The following ELP1 variants were observed in gnomAD, a reference collection of about 807,000 sequenced individuals.
ELP1 encodes elongator complex protein 1.
ELP1 carries 131 observed loss-of-function variants against 183.2 expected under a neutral mutation model. That is an observed-to-expected ratio of 0.72 (90% CI 0.62 to 0.83). The LOEUF is 0.83. Ranked by LOEUF, ELP1 falls within the 40% of genes least tolerant of loss-of-function variation. The probability of loss-of-function intolerance (pLI) is 0.00; values close to 1 mark genes in which losing one functional copy is unlikely to be tolerated. For synonymous variants in ELP1, 555 were observed against 569.0 expected (o/e 0.98, Z 0.35); for missense variants, 1,550 against 1,594.9 (o/e 0.97, Z 0.48).
At position 108,911,110 on chromosome 9, in the gene ELP1, G is replaced by A. The variant is rs752386597; in HGVS notation, c.1260C>T (p.Phe420=). The change falls in exon 12 of 37, where the codon TTC becomes TTT. Residue 420 remains phenylalanine, a synonymous_variant. Coordinates refer to ENST00000374647, the MANE Select transcript of ELP1 (RefSeq NM_003640.5). ...PPPMCTYQLL[F]PHPVNQVTFL... Reference sequence around the variant, plus strand: ...ATGTGACTTGATTCACAGGGTGTGGGAACAGCAGTTGGTAGGTGCACATGG... The same window carrying A: ...ATGTGACTTGATTCACAGGGTGTGGAAACAGCAGTTGGTAGGTGCACATGG... 6.2e-7 allele frequency: 1 copy of A among 1,614,104 alleles called. No homozygotes were observed. Among genetic ancestry groups the A allele is most frequent in the Non-Finnish European group, 8.5e-7 (1 of 1,179,974 alleles).
At chr9:108,930,289 G>A (rs1485928495) in intron 2 of ELP1, among the ~76,000 whole-genome samples, 2 of 152,064 alleles carry the variant, frequency 1.3e-5, no homozygotes, top group Admixed American at 6.5e-5. Context: ...CATAATCAAG[G>A]GACCATATCA....
chr9:108,920,286 T>C (rs1044709396), intron 6 of ELP1, among the ~76,000 whole-genome samples: 2 of 151,134 alleles, frequency 1.3e-5, no homozygotes, highest in African/African-American at 4.9e-5. Context: ...CCCAATTTTT[T>C]TTTTTTTTTT....
chr9:108,889,305 G>T lies in ELP1; in HGVS notation c.3222+27C>A, dbSNP rs748363432. ...AGAAGACCTTTCTTGCTGACTGGGG[G>T]GTTTAGAAGGGAGGAATTGAGTTTA... On this transcript the variant is annotated intron_variant, in intron 29 of 36. Transcript: ENST00000374647. The T allele has an allele frequency of 2.8e-5, 45 of 1,601,358 alleles. No individual in the cohort carries two copies. In the Middle Eastern group the frequency reaches 4.9e-4, roughly 18 times the overall value.
At position 108,867,872 on chromosome 9, in the gene ELP1, T is replaced by G. The variant is rs944908633; in HGVS notation, c.*1243A>C. 6.6e-6 allele frequency: 1 copy of G among 152,252 alleles called. No homozygotes were observed. Among genetic ancestry groups the G allele is most frequent in the Non-Finnish European group, 1.5e-5 (1 of 68,044 alleles). 9.4% of individuals were successfully genotyped at this position (152,252 alleles called of 1,614,324 possible). A position where few individuals can be genotyped will look rare whatever the true frequency, so the allele number is the denominator to read the frequency against. On this transcript the variant is annotated 3_prime_UTR_variant, in exon 37 of 37. Coordinates refer to ENST00000374647, the MANE Select transcript of ELP1 (RefSeq NM_003640.5). ...CTATACTGGGAAAGGCTTCTTAAAT[T>G]ACAATTTTGGCTATATCACTTCTTT...
rs530976940 is a variant in ELP1, at chr9:108,927,320, C to T, written c.385+52G>A. ...CCTAAAGCTGATGAAGCCTGTAAGA[C>T]ATCTGGAATAATGTTTTAAAAAAGC... On this transcript the variant is annotated intron_variant, in intron 4 of 36. Coordinates refer to ENST00000374647, the MANE Select transcript of ELP1 (RefSeq NM_003640.5). The T allele has an allele frequency of 2.8e-6, 4 of 1,421,038 alleles. No homozygotes were observed. In the African/African-American group the frequency reaches 4.2e-5, roughly 15 times the overall value. 88.0% of individuals were successfully genotyped at this position (1,421,038 alleles called of 1,614,324 possible).
At chr9:108,912,546 T>C (rs527749045) in intron 10 of ELP1, 52 bp from the exon 11 acceptor site, 15 of 1,340,404 alleles carry the variant, frequency 1.1e-5, no homozygotes, top group Admixed American at 1.0e-4. Flanking sequence ...GCAGACTTCA[T>C]CCCACTTGCC....
At chr9:108,887,207 T>C (rs1028841366) in intron 29 of ELP1, among the ~76,000 whole-genome samples, 14 of 152,018 alleles carry the variant, frequency 9.2e-5, no homozygotes, top group African/African-American at 3.4e-4. Context: ...AGACTCTGTC[T>C]CAAAAATAAA....
chr9:108,876,546 T>G (rs1242145006), intron 35 of ELP1, among the ~76,000 whole-genome samples: 1 of 152,120 alleles, frequency 6.6e-6, no homozygotes, highest in Admixed American at 6.5e-5. Context: ...CTGAGCTGAT[T>G]TGTAATCTCT....
Position 108,908,233 on chromosome 9 carries a change from T to C in ELP1, c.1460+72A>G, listed in dbSNP as rs2304779. ...CTCAGCAACAGGCATAGAACTGTTA[T>C]CAGATGGCTGAATTTAGGACTGCAT... On this transcript the variant is annotated intron_variant, in intron 13 of 36. Transcript: ENST00000374647. 294,350 of 1,102,228 alleles carry C rather than the reference T, an allele frequency of 0.27. 41,555 individuals carry two copies. The highest frequency in any genetic ancestry group is 0.3 in the Admixed American group (17,058 of 57,764). The allele number at this position is 1,102,228 out of a possible 1,614,324, so 68.3% of individuals were successfully genotyped here.
At position 108,928,312 on chromosome 9, in the gene ELP1, T is replaced by C. The variant is rs760510698; in HGVS notation, c.304-859A>G. On this transcript the variant is annotated intron_variant, in intron 3 of 36. Transcript: ENST00000374647. ...ATATCTTTTTCTTCCCAGAGCTGTCTCACGAGGGAGATAAAAGAAGACCCT... is the reference window on the plus strand; with the variant it reads ...ATATCTTTTTCTTCCCAGAGCTGTCCCACGAGGGAGATAAAAGAAGACCCT... 7.6e-4 allele frequency among the ~76,000 whole-genome samples: 116 copies of C among 152,340 alleles called. 2 individuals are homozygous for C. Among genetic ancestry groups the C allele is most frequent in the East Asian group, 3.9e-4 (2 of 5,192 alleles).
intron 36 of ELP1, among the ~76,000 whole-genome samples, chr9:108,873,165 T>C (rs1364054098): frequency 6.6e-6 from 1 of 152,232 alleles, no homozygotes; most frequent in Non-Finnish European, 1.5e-5. Context: ...AACCCAGCTG[T>C]GATTCAAGTA....
chr9:108,876,564 A>C lies in ELP1; in HGVS notation c.3855+1431T>G, dbSNP rs554982633. Among the ~76,000 whole-genome samples, 3 of 152,248 alleles carry C rather than the reference A, an allele frequency of 2.0e-5. 1 individual carries two copies. Among genetic ancestry groups the C allele is most frequent in the African/African-American group, 7.2e-5 (3 of 41,554 alleles). ...AGCTGATTTGTAATCTCTCAGCTCC[A>C]ACCCACCCTTCTATCCACTGCTTGT... On this transcript the variant is annotated intron_variant, in intron 35 of 36. Transcript: ENST00000374647.
At position 108,869,250 on chromosome 9, in the gene ELP1, TCTAAA is replaced by T. The variant is rs1447187480; in HGVS notation, c.3932-73_3932-69del. 9.1e-5 allele frequency: 122 copies of T among 1,342,454 alleles called. 3 individuals carry two copies. In the African/African-American group the frequency reaches 1.5e-3, roughly 17 times the overall value. The allele number at this position is 1,342,454 out of a possible 1,614,324, so 83.2% of individuals were successfully genotyped here. On this transcript the variant is annotated intron_variant, in intron 36 of 36. Transcript: ENST00000374647. ...TGTTGGAGGGCGCTGAGGCAGTAAC[TCTAAA>T]CTAAACAAACTAGGCAGGTGGAGTT...
intron 1 of ELP1, among the ~76,000 whole-genome samples, chr9:108,932,516 A>G (rs1830032550): frequency 6.6e-6 from 1 of 151,810 alleles, no homozygotes. Flanking sequence ...TAATTTTTGT[A>G]TTTTTAGTAG....
chr9:108,927,396 G>T lies in ELP1; in HGVS notation c.361C>A (p.Gln121Lys). Residue 121 changes from glutamine (Q) to lysine (K), a missense_variant, in exon 4 of 37, where the codon CAA becomes AAA. By Grantham distance (53) the Gln-to-Lys change is moderately conservative. Transcript: ENST00000374647. ...GISVMSWSPD[Q>K]ELVLLATGQQ... is the part of the protein sequence containing the mutation. ...CCTGTGGCAAGAAGCACCAGCTCTT[G>T]GTCAGGACTCCAACTCATAACAGAG... 6.2e-7 allele frequency: 1 copy of T among 1,613,664 alleles called. No homozygotes were observed.
intron 22 of ELP1, among the ~76,000 whole-genome samples, chr9:108,897,572 C>T (rs1003047672): frequency 5.9e-5 from 9 of 151,932 alleles, no homozygotes; most frequent in Non-Finnish European, 1.3e-4. Context: ...ATACTACTGA[C>T]CAATAAAAAA....
intron 34 of ELP1, 49 bp downstream of exon 34, chr9:108,878,574 A>G (rs772054776): frequency 3.1e-6 from 5 of 1,612,452 alleles, no homozygotes; most frequent in Admixed American, 3.3e-5. Flanking sequence ...TGTACTGCCT[A>G]TTCACTATTG....
At chr9:108,898,368 C>T in intron 22 of ELP1, 134 bp downstream of exon 22, 1 of 646,012 alleles carries the variant, frequency 1.5e-6, no homozygotes, top group Non-Finnish European at 2.7e-6. Context: ...AACCAACTGG[C>T]ATCTAAGAGT....
At chr9:108,927,640 T>C (rs577179290) in intron 3 of ELP1, among the ~76,000 whole-genome samples, 187 bp from the exon 4 acceptor site, 1 of 152,288 alleles carries the variant, frequency 6.6e-6, no homozygotes, top group Non-Finnish European at 1.5e-5. Flanking sequence ...AACCTAAGTG[T>C]CCATCAATGG....
Sources: gnomAD v4.1 joint callset for allele counts (sites outside exome capture counted in the v4.1 genomes callset) on GRCh38, gnomAD v4.1.1 for gene constraint, MANE v1.5 for transcripts, NCBI Gene and HGNC (gene_info 2026-07-23, HGNC 2026-07-21) for gene names.